ENPP1: variants seen among roughly 807,000 people sequenced by gnomAD.
The protein encoded by ENPP1 is ectonucleotide pyrophosphatase/phosphodiesterase family member 1.
ENPP1 carries 73 observed loss-of-function variants against 122.8 expected under a neutral mutation model. That is an observed-to-expected ratio of 0.59 (90% CI 0.49 to 0.72). The LOEUF is 0.72. Ranked by LOEUF, ENPP1 falls within the 30% of genes least tolerant of loss-of-function variation. ENPP1 has a pLI of 0.00. For missense variants in ENPP1, 978 were observed against 1,128.1 expected (o/e 0.87, Z 1.91); for synonymous variants, 367 against 391.6 (o/e 0.94, Z 0.74).
intron 1 of ENPP1, chr6:131,827,198 C>G (rs1781556831): frequency 2.5e-5 from 20 of 804,704 alleles, no homozygotes; most frequent in Non-Finnish European, 4.4e-6. Context: ...TTTTCAGTTT[C>G]TCAACTGTCC....
intron 21 of ENPP1, among the ~76,000 whole-genome samples, chr6:131,883,172 C>G (rs1424980869): frequency 6.6e-6 from 1 of 152,196 alleles, no homozygotes; most frequent in African/African-American, 2.4e-5. Context: ...CCGTCAGCAT[C>G]CAGTTCAGTT....
chr6:131,822,183 A>G (rs1585793649), intron 1 of ENPP1, among the ~76,000 whole-genome samples: 2 of 152,350 alleles, frequency 1.3e-5, no homozygotes, highest in South Asian at 4.1e-4. Flanking sequence ...AAGAATATTG[A>G]CATATATAAG....
intron 16 of ENPP1, among the ~76,000 whole-genome samples, chr6:131,875,175 A>G (rs1782213763): frequency 6.6e-6 from 1 of 152,206 alleles, no homozygotes; most frequent in Non-Finnish European, 1.5e-5. Flanking sequence ...CAATATATCC[A>G]TGTAACATAA....
At chr6:131,826,020 A>G in intron 1 of ENPP1, 1 of 726,090 alleles carries the variant, frequency 1.4e-6, no homozygotes, top group Non-Finnish European at 2.6e-6. Context: ...ATTCTGTTAC[A>G]GGAAGAGGAA....
chr6:131,837,467 A>C (rs1214053201), intron 1 of ENPP1, among the ~76,000 whole-genome samples: 1 of 142,832 alleles, frequency 7.0e-6, no homozygotes, highest in Non-Finnish European at 1.5e-5. Context: ...CGGAGGTTGC[A>C]GTGAGCTCTC....
rs939512172 is a variant in ENPP1 at position 131,808,398 on chromosome 6, C to G, written c.240+123C>G. 4.1e-6 allele frequency: 5 copies of G among 1,223,348 alleles called. No homozygotes were observed. In the African/African-American group the frequency reaches 6.3e-5, roughly 15 times the overall value. The allele number at this position is 1,223,348 out of a possible 1,614,324, so 75.8% of individuals were successfully genotyped here. ...CGGAGAGAGGCATGGTCCGGGAGTG[C>G]TTCTTCGCCCGCGCGCTCTCCTCCG... is the stretch of plus-strand genomic sequence containing the variant. On this transcript the variant is annotated intron_variant, in intron 1 of 24. Transcript: ENST00000647893.
chr6:131,860,292 T>G, intron 7 of ENPP1, 95 bp from the exon 8 acceptor site: 3 of 959,608 alleles, frequency 3.1e-6, no homozygotes. Flanking sequence ...TCCATGTAGC[T>G]TCAGTTATCG....
At chr6:131,878,736 T>G (rs1782266575) in intron 19 of ENPP1, 143 bp downstream of exon 19, 2 of 716,446 alleles carry the variant, frequency 2.8e-6, no homozygotes, top group African/African-American at 1.7e-5. Flanking sequence ...TGATGAAACA[T>G]AGAGGTTTCT....
intron 7 of ENPP1, 86 bp downstream of exon 7, chr6:131,858,833 GAA>G (rs1486923969): frequency 9.9e-7 from 1 of 1,013,606 alleles, no homozygotes; most frequent in Admixed American, 1.8e-5. Context: ...TAAGATAAAA[GAA>G]AAACAACTTA....
chr6:131,847,983 C>T (rs1166802764), intron 2 of ENPP1, 135 bp downstream of exon 2: 32 of 664,350 alleles, frequency 4.8e-5, no homozygotes, highest in South Asian at 3.7e-4. Flanking sequence ...GTCAATTCAA[C>T]GCTGGCTTGA....
rs1452332421 is a variant in ENPP1 at position 131,892,463 on chromosome 6, A to G, written c.*1952A>G. The G allele has an allele frequency of 6.6e-6, 1 of 152,188 alleles. No homozygotes were observed. Among genetic ancestry groups the G allele is most frequent in the African/African-American group, 2.4e-5 (1 of 41,446 alleles). The allele number at this position is 152,188 out of a possible 1,614,324, so 9.4% of individuals were successfully genotyped here. A position where few individuals can be genotyped will look rare whatever the true frequency, so the allele number is the denominator to read the frequency against. ...CTTTATTGATTCTTCCCTGGCTGGA[A>G]TGTGCAGCGGCACCTTTTGGTGCAC... On this transcript the variant is annotated 3_prime_UTR_variant, in exon 25 of 25. Coordinates refer to ENST00000647893, the MANE Select transcript of ENPP1 (RefSeq NM_006208.3).
intron 5 of ENPP1, 96 bp downstream of exon 5, chr6:131,852,331 C>G: frequency 1.3e-6 from 1 of 785,344 alleles, no homozygotes; most frequent in South Asian, 1.5e-5. Flanking sequence ...AATAAAATCA[C>G]TGGTTTATTA....
At chr6:131,826,865 A>C (rs138259761) in intron 1 of ENPP1, 582 of 370,570 alleles carry the variant, frequency 1.6e-3, no homozygotes, top group Non-Finnish European at 1.8e-3. Context: ...AAAGTTTCTC[A>C]CATAGGGGAA....
rs1562519012 is a variant in ENPP1 at position 131,847,859 on chromosome 6, GTGT to G, written c.313+12_313+14del. On this transcript the variant is annotated intron_variant, in intron 2 of 24. Transcript: ENST00000647893. ...GCTGTGCCAAAGAAGGTAATTAGGT[GTGT>G]GTGTGTGTGTGTGTGTGTGTGTGTG... The G allele has an allele frequency of 1.3e-5, 9 of 704,558 alleles. No individual in the cohort carries two copies. Among genetic ancestry groups the G allele is most frequent in the African/African-American group, 8.2e-5 (2 of 24,482 alleles). 43.6% of individuals were successfully genotyped at this position (704,558 alleles called of 1,614,324 possible).
In ENPP1 at chr6:131,851,285, C is replaced by T. The variant is rs562379919; in HGVS notation, c.556+18C>T. On this transcript the variant is annotated intron_variant, in intron 4 of 24. Transcript: ENST00000647893. ...GTGTCAAGGTCAGGTGCTCGTTGGG[C>T]TCTGCAGCAGCCTGGTATCTTCCAG... 4.3e-6 allele frequency: 7 copies of T among 1,613,924 alleles called. No individual in the cohort carries two copies. The African/African-American group carries it at 6.7e-5, about 15-fold the overall frequency.
chr6:131,831,772 C>A (rs1454207339), intron 1 of ENPP1, among the ~76,000 whole-genome samples: 1 of 152,150 alleles, frequency 6.6e-6, no homozygotes, highest in East Asian at 1.9e-4. Flanking sequence ...TGATGTTAAC[C>A]TTGACTACCC....
At position 131,891,692 on chromosome 6, in the gene ENPP1, A is replaced by C. The variant is rs1022143445; in HGVS notation, c.*1181A>C. 1 of 151,604 alleles carries C rather than the reference A, an allele frequency of 6.6e-6. No individual in the cohort carries two copies. The highest frequency in any genetic ancestry group is 1.5e-5 in the Non-Finnish European group (1 of 68,000). 9.4% of individuals were successfully genotyped at this position (151,604 alleles called of 1,614,324 possible). On this transcript the variant is annotated 3_prime_UTR_variant, in exon 25 of 25. Coordinates refer to ENST00000647893, the MANE Select transcript of ENPP1 (RefSeq NM_006208.3). ...TCAACGGCCTAAGGGCCAGCTGCAA[A>C]GACTTTTGGAAAATACAATTTACAA... is the stretch of plus-strand genomic sequence containing the variant.
intron 24 of ENPP1, among the ~76,000 whole-genome samples, chr6:131,886,926 CTTTT>C (rs60409660): frequency 4.5e-5 from 5 of 110,628 alleles, no homozygotes; most frequent in Admixed American, 9.3e-5. Flanking sequence ...TTACTTTTTT[CTTTT>C]TTTTTTTTTT....
chr6:131,840,585 C>T (rs1278950687), intron 1 of ENPP1, among the ~76,000 whole-genome samples: 1 of 152,136 alleles, frequency 6.6e-6, no homozygotes, highest in Non-Finnish European at 1.5e-5. Context: ...CCGAAGGCTC[C>T]TGCCAACTTT....
Sources: allele counts gnomAD v4.1 joint callset (sites outside exome capture counted in the v4.1 genomes callset), GRCh38; gene constraint gnomAD v4.1.1; transcripts MANE v1.5; gene names NCBI Gene and HGNC (gene_info 2026-07-23, HGNC 2026-07-21).